The following RBFOX1 variants were observed in gnomAD, a reference collection of about 807,000 sequenced individuals.
RBFOX1 encodes the protein RNA binding fox-1 homolog 1.
In RBFOX1, 8 loss-of-function variants were observed where a neutral mutation model predicts 57.7. That is an observed-to-expected ratio of 0.14 (90% CI 0.08 to 0.25). The LOEUF (loss-of-function observed/expected upper bound fraction) is 0.25, where lower values mean the gene tolerates loss of function less well. RBFOX1 is among the 10% of genes least tolerant of loss of function. RBFOX1 has a pLI of 1.00. For synonymous variants in RBFOX1, 326 were observed against 222.4 expected (o/e 1.47, Z -4.15); for missense variants, 611 against 548.5 (o/e 1.11, Z -1.14).
At chr16:7,057,704 G>T in intron 4 of RBFOX1, among the ~76,000 whole-genome samples, 1 of 152,190 alleles carries the variant, frequency 6.6e-6, no homozygotes, top group East Asian at 1.9e-4. Context: ...GCCATTGCTA[G>T]CTGAGTAAAT....
intron 2 of RBFOX1, among the ~76,000 whole-genome samples, chr16:6,531,189 C>G (rs975446557): frequency 6.6e-6 from 1 of 152,184 alleles, no homozygotes; most frequent in African/African-American, 2.4e-5. Flanking sequence ...CCCGGTTTTT[C>G]CCAAATTCTA....
intron 4 of RBFOX1, among the ~76,000 whole-genome samples, chr16:5,898,942 G>C (rs1175609004): frequency 3.3e-5 from 5 of 151,224 alleles, no homozygotes; most frequent in Admixed American, 1.3e-4. Context: ...ATTTGCCTGT[G>C]GTCCCAGCTA....
intron 3 of RBFOX1, among the ~76,000 whole-genome samples, chr16:6,690,911 T>G (rs960222113): frequency 5.9e-5 from 9 of 152,090 alleles, no homozygotes; most frequent in Admixed American, 5.9e-4. Flanking sequence ...TGGGTTTTCA[T>G]TTTCACCTCC....
At position 6,139,733 on chromosome 16, in the gene RBFOX1, T is replaced by C. The variant is rs1359902937; in HGVS notation, c.-127+119741T>C. On this transcript the variant is annotated intron_variant, in intron 1 of 15. Coordinates refer to ENST00000550418, the MANE Select transcript of RBFOX1 (RefSeq NM_018723.4). Reference sequence around the variant, plus strand: ...CTTGCTCTCTTCCTCACTCTTTCTGTTTCTTGGTCGTTTTTTTCTTGATTT... The same window carrying C: ...CTTGCTCTCTTCCTCACTCTTTCTGCTTCTTGGTCGTTTTTTTCTTGATTT... Among the ~76,000 whole-genome samples the C allele has an allele frequency of 7.2e-5, 11 of 152,240 alleles. No homozygotes were observed. In the East Asian group the frequency reaches 2.1e-3, roughly 29 times the overall value.
intron 3 of RBFOX1, among the ~76,000 whole-genome samples, chr16:6,720,939 G>C (rs575156286): frequency 6.6e-6 from 1 of 152,148 alleles, no homozygotes; most frequent in South Asian, 2.1e-4. Flanking sequence ...GAAGCTCCAG[G>C]TACATTAATA....
chr16:7,147,355 G>A (rs1387216510), intron 4 of RBFOX1, among the ~76,000 whole-genome samples: 2 of 148,734 alleles, frequency 1.3e-5, no homozygotes, highest in African/African-American at 5.0e-5. Context: ...GTGGACATCT[G>A]CAGGTCTGTT....
chr16:6,377,206 G>GGAGGTTGCAGTGAGCC (rs2091287296), intron 2 of RBFOX1, among the ~76,000 whole-genome samples: 1 of 151,264 alleles, frequency 6.6e-6, no homozygotes, highest in Non-Finnish European at 1.5e-5. Flanking sequence ...CCCAGGAAGT[G>GGAGGTTGCAGTGAGCC]GAGGTTGCAG....
chr16:5,849,235 A>G (rs556650869), intron 3 of RBFOX1, among the ~76,000 whole-genome samples: 1 of 152,104 alleles, frequency 6.6e-6, no homozygotes, highest in African/African-American at 2.4e-5. Context: ...TCCTGCATGG[A>G]AGGGTTCTTG....
At chr16:6,699,652 C>G (rs2061541033) in intron 3 of RBFOX1, among the ~76,000 whole-genome samples, 1 of 152,136 alleles carries the variant, frequency 6.6e-6, no homozygotes, top group African/African-American at 2.4e-5. Flanking sequence ...ATCTGTCAAC[C>G]AGCCCCTGCC....
intron 1 of RBFOX1, among the ~76,000 whole-genome samples, chr16:5,343,778 T>C (rs575231788): frequency 1.3e-5 from 2 of 152,296 alleles, no homozygotes; most frequent in Admixed American, 1.3e-4. Context: ...ACTTAGAACT[T>C]TTTGAATAAG....
chr16:6,463,341 C>G (rs1157450161), intron 2 of RBFOX1, among the ~76,000 whole-genome samples: 9 of 152,110 alleles, frequency 5.9e-5, no homozygotes, highest in Admixed American at 5.9e-4. Flanking sequence ...TCTATTAACT[C>G]AGGTCAACTA....
At chr16:6,342,521 G>C (rs538093075) in intron 2 of RBFOX1, among the ~76,000 whole-genome samples, 5 of 152,066 alleles carry the variant, frequency 3.3e-5, no homozygotes, top group Non-Finnish European at 7.4e-5. Flanking sequence ...GATGTGCACA[G>C]CAACCTCACG....
At chr16:6,522,716 T>C (rs2096525239) in intron 2 of RBFOX1, among the ~76,000 whole-genome samples, 1 of 152,154 alleles carries the variant, frequency 6.6e-6, no homozygotes, top group Non-Finnish European at 1.5e-5. Flanking sequence ...TAAGAAGGGA[T>C]ATTTTGGTAA....
chr16:6,959,519 C>G (rs977678776), intron 3 of RBFOX1, among the ~76,000 whole-genome samples: 4 of 152,010 alleles, frequency 2.6e-5, no homozygotes, highest in Non-Finnish European at 2.9e-5. Context: ...TTTACCCTCT[C>G]TCATTCTGTG....
At chr16:5,598,693 G>T (rs1385423432) in intron 2 of RBFOX1, among the ~76,000 whole-genome samples, 1 of 152,132 alleles carries the variant, frequency 6.6e-6, no homozygotes, top group African/African-American at 2.4e-5. Context: ...ACTAGCCACG[G>T]GGCTTTGTAG....
intron 3 of RBFOX1, among the ~76,000 whole-genome samples, chr16:7,030,389 T>C (rs1366154842): frequency 1.3e-5 from 2 of 152,170 alleles, no homozygotes; most frequent in Non-Finnish European, 2.9e-5. Flanking sequence ...AACAGAAGTT[T>C]ATTCATTCAA....
At chr16:5,486,622 T>A (rs1597260507) in intron 2 of RBFOX1, among the ~76,000 whole-genome samples, 1 of 152,304 alleles carries the variant, frequency 6.6e-6, no homozygotes, top group East Asian at 1.9e-4. Context: ...AGAACATCTC[T>A]TTCTTCCCCC....
chr16:6,802,628 G>C (rs556900138), intron 3 of RBFOX1, among the ~76,000 whole-genome samples: 1 of 152,310 alleles, frequency 6.6e-6, no homozygotes, highest in South Asian at 2.1e-4. Flanking sequence ...AGTGAGTTGA[G>C]ATTGTGCTAC....
intron 4 of RBFOX1, among the ~76,000 whole-genome samples, chr16:7,197,322 C>G (rs1039540731): frequency 2.0e-5 from 3 of 151,548 alleles, no homozygotes; most frequent in Non-Finnish European, 4.4e-5. Flanking sequence ...AGCTTGCTAT[C>G]GATTTTAACT....
Sources: allele counts gnomAD v4.1 joint callset (sites outside exome capture counted in the v4.1 genomes callset), GRCh38; gene constraint gnomAD v4.1.1; transcripts MANE v1.5; gene names NCBI Gene and HGNC (gene_info 2026-07-23, HGNC 2026-07-21).